NMI: variants seen among roughly 807,000 people sequenced by gnomAD.
The protein encoded by NMI is N-myc-interactor.
A neutral mutation model predicts 34.3 loss-of-function variants in NMI; 39 were observed. That is an observed-to-expected ratio of 1.14 (90% CI 0.88 to 1.49). The LOEUF (loss-of-function observed/expected upper bound fraction) is 1.49, where lower values mean the gene tolerates loss of function less well. Among genes scored for constraint, NMI ranks in the 40% most tolerant of loss-of-function variants. NMI has a pLI of 0.00. For missense variants in NMI, 339 were observed against 358.1 expected (o/e 0.95, Z 0.43); for synonymous variants, 113 against 120.3 (o/e 0.94, Z 0.40).
At chr2:151,279,051 T>C (rs1002360320) in intron 3 of NMI, 61 bp from the exon 4 acceptor site, 3 of 1,142,872 alleles carry the variant, frequency 2.6e-6, no homozygotes, top group African/African-American at 1.6e-5. Flanking sequence ...GTCCTTCCAA[T>C]GATAATGTAA....
At chr2:151,274,780 T>C (rs1021316901) in intron 6 of NMI, among the ~76,000 whole-genome samples, 1 of 151,730 alleles carries the variant, frequency 6.6e-6, no homozygotes, top group Non-Finnish European at 1.5e-5. Context: ...CCGGCCGAAA[T>C]GTCTCATTTT....
chr2:151,281,714 T>G (rs542101504), intron 3 of NMI, among the ~76,000 whole-genome samples: 1 of 152,376 alleles, frequency 6.6e-6, no homozygotes, highest in African/African-American at 2.4e-5. Context: ...CATGTCATTA[T>G]GATCTGTTCA....
chr2:151,285,071 T>C (rs1241825829), intron 1 of NMI, among the ~76,000 whole-genome samples: 1 of 152,158 alleles, frequency 6.6e-6, no homozygotes, highest in Admixed American at 6.5e-5. Flanking sequence ...GAATATCTTG[T>C]AGTGCCAGAA....
intron 5 of NMI, 41 bp downstream of exon 5, chr2:151,275,717 G>A: frequency 6.2e-7 from 1 of 1,608,186 alleles, no homozygotes; most frequent in Non-Finnish European, 8.5e-7. Context: ...AGAAGTGCTT[G>A]TGATGAACAG....
rs752667382 is a variant in NMI, at chr2:151,273,613, C to T, written c.634+1871G>A. Among the ~76,000 whole-genome samples the T allele has an allele frequency of 2.6e-5, 4 of 152,302 alleles. 1 individual carries two copies. Among genetic ancestry groups the T allele is most frequent in the African/African-American group, 2.4e-5 (1 of 41,564 alleles). ...TCTCAGCTCCCTGCAACCTCCACCCCCCAGGTTCAAGCAATTCTCCTGCCT... is the reference window on the plus strand; with the variant it reads ...TCTCAGCTCCCTGCAACCTCCACCCTCCAGGTTCAAGCAATTCTCCTGCCT... On this transcript the variant is annotated intron_variant, in intron 6 of 7. Coordinates refer to ENST00000243346, the MANE Select transcript of NMI (RefSeq NM_004688.3).
Position 151,275,999 on chromosome 2 carries a change from G to A in NMI, c.341-135C>T, listed in dbSNP as rs13387765. 1.3e-3 allele frequency: 788 copies of A among 627,548 alleles called. 5 individuals carry two copies. The African/African-American group carries it at 0.013, about 11-fold the overall frequency. 38.9% of individuals were successfully genotyped at this position (627,548 alleles called of 1,614,324 possible). On this transcript the variant is annotated intron_variant, in intron 4 of 7. Transcript: ENST00000243346. ...AAGGGTCTAATTTTAAAAATTTGGC[G>A]GGCGGTGATTCCAAGTGATAATGGT...
chr2:151,277,620 G>A (rs985939794), intron 4 of NMI: 7 of 152,206 alleles, frequency 4.6e-5, no homozygotes, highest in Non-Finnish European at 5.9e-5. Context: ...GTTATATCCC[G>A]ATTACCAGTC....
intron 1 of NMI, among the ~76,000 whole-genome samples, chr2:151,288,214 T>C (rs556357382): frequency 3.9e-5 from 6 of 152,316 alleles, no homozygotes; most frequent in Admixed American, 6.5e-5. Context: ...AGGCTGCAGA[T>C]TGAATTAAGG....
chr2:151,278,704 C>T (rs1009843238), intron 4 of NMI, 124 bp downstream of exon 4: 2 of 735,426 alleles, frequency 2.7e-6, no homozygotes, highest in South Asian at 1.8e-5. Flanking sequence ...ATCATACCTG[C>T]CTCAGAACGT....
At chr2:151,276,586 G>A (rs1459181716) in intron 4 of NMI, among the ~76,000 whole-genome samples, 2 of 152,144 alleles carry the variant, frequency 1.3e-5, no homozygotes, top group African/African-American at 4.8e-5. Context: ...GCCAGAAAGT[G>A]TCCCATGTTC....
chr2:151,287,328 T>TACACACACAC (rs3836200), intron 1 of NMI, among the ~76,000 whole-genome samples: 1 of 148,422 alleles, frequency 6.7e-6, no homozygotes, highest in East Asian at 2.0e-4. Flanking sequence ...CTCACACACA[T>TACACACACAC]ACACACACAC....
At chr2:151,289,275 AAG>A (rs1558879741) in intron 1 of NMI, among the ~76,000 whole-genome samples, 2 of 147,782 alleles carry the variant, frequency 1.4e-5, no homozygotes, top group African/African-American at 5.1e-5. Flanking sequence ...AAAAAAAAAA[AAG>A]AGAGAAAACA....
intron 3 of NMI, 41 bp downstream of exon 3, chr2:151,281,907 A>C (rs776005897): frequency 7.3e-6 from 7 of 961,302 alleles, no homozygotes; most frequent in African/African-American, 1.7e-5. Flanking sequence ...AAAACCATGC[A>C]TCCATCAAAA....
intron 1 of NMI, among the ~76,000 whole-genome samples, chr2:151,284,915 T>C (rs1683468471): frequency 6.6e-6 from 1 of 152,206 alleles, no homozygotes; most frequent in Non-Finnish European, 1.5e-5. Flanking sequence ...CTTAGTTTAA[T>C]GAACACAGGA....
chr2:151,288,213 A>G (rs1683538647), intron 1 of NMI, among the ~76,000 whole-genome samples: 1 of 152,222 alleles, frequency 6.6e-6, no homozygotes, highest in Middle Eastern at 3.2e-3. Context: ...AAGGCTGCAG[A>G]TTGAATTAAG....
intron 3 of NMI, among the ~76,000 whole-genome samples, chr2:151,280,195 C>CAAAAAAA (rs10645520): frequency 1.5e-5 from 2 of 136,352 alleles, no homozygotes. Flanking sequence ...AACTCTGTTT[C>CAAAAAAA]AAAAAAAAAA....
At chr2:151,276,368 A>G (rs2105204955) in intron 4 of NMI, among the ~76,000 whole-genome samples, 1 of 152,310 alleles carries the variant, frequency 6.6e-6, no homozygotes, top group South Asian at 2.1e-4. Flanking sequence ...CCAAAGTAGA[A>G]TATATTAATG....
At chr2:151,276,650 T>C (rs1178730315) in intron 4 of NMI, among the ~76,000 whole-genome samples, 1 of 152,200 alleles carries the variant, frequency 6.6e-6, no homozygotes, top group Admixed American at 6.5e-5. Flanking sequence ...TTAGTCTTGA[T>C]TTTACTTAAC....
At chr2:151,274,536 C>T (rs1265497787) in intron 6 of NMI, among the ~76,000 whole-genome samples, 4 of 145,954 alleles carry the variant, frequency 2.7e-5, no homozygotes, top group African/African-American at 7.6e-5. Flanking sequence ...AGTGCAGTGG[C>T]GTAGTCTCGG....
Sources: gnomAD v4.1 joint callset for allele counts (sites outside exome capture counted in the v4.1 genomes callset) on GRCh38, gnomAD v4.1.1 for gene constraint, MANE v1.5 for transcripts, NCBI Gene and HGNC (gene_info 2026-07-23, HGNC 2026-07-21) for gene names.